ADNP2: variants seen among roughly 807,000 people sequenced by gnomAD.
ADNP2 encodes the protein ADNP homeobox 2.
A neutral mutation model predicts 16.4 loss-of-function variants in ADNP2; 8 were observed. The observed-to-expected ratio is 0.49, with a 90% CI of 0.29 to 0.88. The LOEUF is 0.88. ADNP2 is among the 40% of genes least tolerant of loss of function. The probability of loss-of-function intolerance (pLI) is 0.09; values close to 1 mark genes in which losing one functional copy is unlikely to be tolerated. For missense variants in ADNP2, 1,397 were observed against 1,395.1 expected (o/e 1.00, Z -0.02); for synonymous variants, 637 against 545.8 (o/e 1.17, Z -2.33).
intron 2 of ADNP2, among the ~76,000 whole-genome samples, chr18:80,123,529 C>G (rs1485928278): frequency 6.6e-6 from 1 of 151,856 alleles, no homozygotes; most frequent in Non-Finnish European, 1.5e-5. Flanking sequence ...GCCACCACAC[C>G]CAGCTAATTT....
intron 1 of ADNP2, among the ~76,000 whole-genome samples, chr18:80,111,867 T>A (rs1175025504): frequency 1.3e-5 from 2 of 152,030 alleles, no homozygotes; most frequent in Admixed American, 1.3e-4. Flanking sequence ...TAGAATGTAT[T>A]TTTTTTTCTA....
chr18:80,137,618 T>C lies in ADNP2; in HGVS notation c.2205T>C (p.Cys735=). The change falls in exon 4 of 4, where the codon TGT becomes TGC. Residue 735 remains cysteine, a synonymous_variant. Transcript: ENST00000262198. This position sits in a 1 kb window ranked among gnomAD's most constrained non-coding sequence, Gnocchi z 4.2. ...TTGAGCCTGAAAAACTGGCAGCGTG[T>C]GCACCATTTCTAAAGTGGATGAGAG... is the stretch of plus-strand genomic sequence containing the variant. ...EKLEPEKLAA[C]APFLKWMREK... 6.2e-7 allele frequency: 1 copy of C among 1,614,252 alleles called. No homozygotes were observed. Among genetic ancestry groups the C allele is most frequent in the East Asian group, 2.2e-5 (1 of 44,884 alleles).
In ADNP2 at chr18:80,137,231, G is replaced by A; in HGVS notation, c.1818G>A (p.Gly606=). The change falls in exon 4 of 4, where the codon GGG becomes GGA. Residue 606 remains glycine, a synonymous_variant. Coordinates refer to ENST00000262198, the MANE Select transcript of ADNP2 (RefSeq NM_014913.4). This position sits in a 1 kb window ranked among gnomAD's most constrained non-coding sequence, Gnocchi z 4.2. The part of the protein sequence containing the change: ...GSILRQLIPT[G]KQVNGIPTYT... ...TTCTCAGACAGCTCATCCCTACAGGGAAACAAGTGAATGGGATTCCAACCT... is the reference window on the plus strand; with the variant it reads ...TTCTCAGACAGCTCATCCCTACAGGAAAACAAGTGAATGGGATTCCAACCT... 1 of 1,614,208 alleles carries A rather than the reference G, an allele frequency of 6.2e-7. No homozygotes were observed. The highest frequency in any genetic ancestry group is 8.5e-7 in the Non-Finnish European group (1 of 1,180,036).
At chr18:80,120,974 T>C (rs985745654) in intron 2 of ADNP2, among the ~76,000 whole-genome samples, 2 of 152,210 alleles carry the variant, frequency 1.3e-5, no homozygotes, top group South Asian at 4.1e-4. Context: ...GTCCCTGTTT[T>C]CAGTTATTTT....
At position 80,138,809 on chromosome 18, in the gene ADNP2, A is replaced by G. The variant is rs2052561956; in HGVS notation, c.3396A>G (p.Ter1132=). 7.0e-7 allele frequency: 1 copy of G among 1,419,978 alleles called. No homozygotes were observed. Among genetic ancestry groups the G allele is most frequent in the African/African-American group, 2.1e-5 (1 of 48,524 alleles). The allele number at this position is 1,419,978 out of a possible 1,614,324, so 88.0% of individuals were successfully genotyped here. ...KHRLNFEYEP[*] is the part of the protein sequence containing the mutation. Reference sequence around the variant, plus strand: ...GATTGAACTTTGAATATGAACCATAAAACTTGCAAAAAAAAAAAAAAGTAA... The same window carrying G: ...GATTGAACTTTGAATATGAACCATAGAACTTGCAAAAAAAAAAAAAAGTAA... The change falls in exon 4 of 4, where the codon TAA becomes TAG. Residue 1132 remains the stop codon, a stop_retained_variant. Transcript: ENST00000262198.
intron 3 of ADNP2, among the ~76,000 whole-genome samples, chr18:80,134,675 A>C (rs750038955): frequency 6.6e-6 from 1 of 152,222 alleles, no homozygotes; most frequent in Admixed American, 6.5e-5. Flanking sequence ...AACAGATTGC[A>C]TCCTGTTGTA....
chr18:80,116,612 C>G (rs1196455079), intron 1 of ADNP2, among the ~76,000 whole-genome samples: 1 of 151,978 alleles, frequency 6.6e-6, no homozygotes, highest in South Asian at 2.1e-4. Flanking sequence ...TTGCATTTCT[C>G]CAAATGGCTA....
At chr18:80,121,949 C>T (rs777277193) in intron 2 of ADNP2, among the ~76,000 whole-genome samples, 1 of 151,738 alleles carries the variant, frequency 6.6e-6, no homozygotes, top group South Asian at 2.1e-4. Context: ...CTGAGTCTTG[C>T]TCTGTCACCC....
chr18:80,137,947 C>G lies in ADNP2; in HGVS notation c.2534C>G (p.Ala845Gly). 5 of 1,613,242 alleles carry G rather than the reference C, an allele frequency of 3.1e-6. No individual in the cohort carries two copies. Among genetic ancestry groups the G allele is most frequent in the Non-Finnish European group, 4.2e-6 (5 of 1,180,020 alleles). The change falls in exon 4 of 4, where the codon GCT (alanine) becomes GGT (glycine). Residue 845 changes from alanine to glycine, a missense_variant. Physicochemically the swap from Ala to Gly is moderately conservative, Grantham distance 60. Transcript: ENST00000262198. The surrounding 1 kb of genome is among the most constrained non-coding windows in gnomAD (Gnocchi z 4.2). Reference protein sequence around the residue: ...GEREVYLAILAGIHSKSLVPV... With the variant: ...GEREVYLAILGGIHSKSLVPV... ...CGGGAAGTCTACTTGGCAATCCTGG[C>G]TGGGATACACTCCAAGTCACTGGTG...
rs139283796 is a variant in ADNP2 at position 80,136,541 on chromosome 18, G to A, written c.1128G>A (p.Gln376=). Reference sequence around the variant, plus strand: ...ATCCTCCTGTGTTGCCCTTGAGTCAGCCAGTCGGACCTGTCAATAAGTCTG... The same window carrying A: ...ATCCTCCTGTGTTGCCCTTGAGTCAACCAGTCGGACCTGTCAATAAGTCTG... ...SVNPPVLPLS[Q]PVGPVNKSVG... is the part of the protein sequence containing the mutation. The change falls in exon 4 of 4, where the codon CAG becomes CAA. Residue 376 remains glutamine (Q), a synonymous_variant. Coordinates refer to ENST00000262198, the MANE Select transcript of ADNP2 (RefSeq NM_014913.4). 1.9e-6 allele frequency: 3 copies of A among 1,614,234 alleles called. No homozygotes were observed. The highest frequency in any genetic ancestry group is 2.5e-6 in the Non-Finnish European group (3 of 1,180,046).
Position 80,138,007 on chromosome 18 carries a change from G to A in ADNP2, c.2594G>A (p.Gly865Asp). The change falls in exon 4 of 4, where the codon GGC (glycine) becomes GAC (aspartate). Residue 865 changes from glycine (G) to aspartate (D), a missense_variant. Physicochemically the swap from Gly to Asp is moderately conservative, Grantham distance 94. Transcript: ENST00000262198. ...VYVKVRPQAE[G>D]TPGSTGKRVS... ...GTGAAGGTGAGGCCTCAGGCTGAGG[G>A]CACCCCCGGGAGCACCGGCAAGCGA... The A allele has an allele frequency of 1.2e-6, 2 of 1,613,412 alleles. No individual in the cohort carries two copies. Among genetic ancestry groups the A allele is most frequent in the Non-Finnish European group, 8.5e-7 (1 of 1,180,020 alleles).
chr18:80,138,505 T>G lies in ADNP2; in HGVS notation c.3092T>G (p.Val1031Gly). 5 of 1,614,146 alleles carry G rather than the reference T, an allele frequency of 3.1e-6. No individual in the cohort carries two copies. The highest frequency in any genetic ancestry group is 4.2e-6 in the Non-Finnish European group (5 of 1,180,044). Reference sequence around the variant, plus strand: ...GAAAGCAGAACAGAGGGACCTATTGTCAAGGACGAGGCTCTTCAGATTTTA... The same window carrying G: ...GAAAGCAGAACAGAGGGACCTATTGGCAAGGACGAGGCTCTTCAGATTTTA... ...RNESRTEGPI[V>G]KDEALQILAL... is the part of the protein sequence containing the mutation. Residue 1031 changes from valine (V) to glycine (G), a missense_variant, in exon 4 of 4, where the codon GTC becomes GGC. By Grantham distance (109) the Val-to-Gly change is moderately radical. Transcript: ENST00000262198.
intron 1 of ADNP2, among the ~76,000 whole-genome samples, chr18:80,115,815 G>A (rs1031159760): frequency 6.6e-6 from 1 of 151,940 alleles, no homozygotes; most frequent in African/African-American, 2.4e-5. Context: ...TGCTCTTACT[G>A]GTCAGGGTGG....
intron 2 of ADNP2, among the ~76,000 whole-genome samples, chr18:80,120,060 G>A (rs992924092): frequency 1.2e-4 from 18 of 152,202 alleles, no homozygotes; most frequent in Non-Finnish European, 1.9e-4. Flanking sequence ...AGGCCAAGTG[G>A]GCTTTGGGGT....
intron 2 of ADNP2, among the ~76,000 whole-genome samples, chr18:80,124,662 C>T (rs747428852): frequency 1.3e-5 from 2 of 152,122 alleles, no homozygotes; most frequent in Non-Finnish European, 2.9e-5. Flanking sequence ...TCTTAACCTT[C>T]AGCCCTTCTC....
At chr18:80,119,386 T>TG (rs1487861356) in intron 2 of ADNP2, among the ~76,000 whole-genome samples, 8 of 139,896 alleles carry the variant, frequency 5.7e-5, no homozygotes. Flanking sequence ...CATTCCAGCC[T>TG]GGGTGACAGA....
intron 1 of ADNP2, among the ~76,000 whole-genome samples, chr18:80,110,210 T>C (rs1484850603): frequency 3.3e-5 from 5 of 152,230 alleles, no homozygotes; most frequent in Non-Finnish European, 4.4e-5. Context: ...TTGAAATAGA[T>C]TCCGTTTACA....
intron 2 of ADNP2, among the ~76,000 whole-genome samples, chr18:80,121,623 A>G (rs918487568): frequency 2.0e-5 from 3 of 152,178 alleles, no homozygotes; most frequent in African/African-American, 7.2e-5. Flanking sequence ...CAAGGTCATG[A>G]AAATTTTCTC....
intron 2 of ADNP2, among the ~76,000 whole-genome samples, chr18:80,121,671 A>G (rs1190676412): frequency 3.3e-5 from 5 of 152,176 alleles, no homozygotes; most frequent in African/African-American, 1.2e-4. Context: ...TGTAGTTCTC[A>G]TGTTAAGTCG....
Sources: gnomAD v4.1 joint callset for allele counts (sites outside exome capture counted in the v4.1 genomes callset) on GRCh38, gnomAD v4.1.1 for gene constraint, Gnocchi (gnomAD v3.1) non-coding constraint, MANE v1.5 for transcripts, NCBI Gene and HGNC (gene_info 2026-07-23, HGNC 2026-07-21) for gene names.